SLC9A9: variants seen among roughly 807,000 people sequenced by gnomAD.
The protein encoded by SLC9A9 is sodium/hydrogen exchanger 9.
In SLC9A9, 62 loss-of-function variants were observed where a neutral mutation model predicts 77.8. The ratio of observed to expected loss-of-function variants is 0.80; its 90% CI spans 0.65 to 0.98. The LOEUF (loss-of-function observed/expected upper bound fraction) is 0.98, where lower values mean the gene tolerates loss of function less well. Among genes scored for constraint, SLC9A9 ranks in the 50% least tolerant of loss-of-function variants. SLC9A9 has a pLI of 0.00. For missense variants in SLC9A9, 775 were observed against 774.9 expected, an observed-to-expected ratio of 1.00 and a Z score of 0.00; for synonymous variants, 320 against 283.5, an observed-to-expected ratio of 1.13 and a Z score of -1.29.
chr3:143,511,338 TCTC>T (rs2036112731), intron 9 of SLC9A9, among the ~76,000 whole-genome samples: 1 of 152,178 alleles, frequency 6.6e-6, no homozygotes, highest in South Asian at 2.1e-4. Flanking sequence ...TTCCAGGTGT[TCTC>T]CTAGTTAATT....
At chr3:143,662,927 G>A (rs1420992435) in intron 5 of SLC9A9, among the ~76,000 whole-genome samples, 1 of 151,762 alleles carries the variant, frequency 6.6e-6, no homozygotes, top group Non-Finnish European at 1.5e-5. Context: ...AAACGTCCCT[G>A]CCTGACAGTG....
At chr3:143,669,538 A>G (rs2039125955) in intron 5 of SLC9A9, among the ~76,000 whole-genome samples, 1 of 152,188 alleles carries the variant, frequency 6.6e-6, no homozygotes, top group East Asian at 1.9e-4. Flanking sequence ...AAGCATTTAT[A>G]TAGTTGGTTG....
chr3:143,736,270 TTCTA>T (rs1474238843), intron 4 of SLC9A9, among the ~76,000 whole-genome samples: 4 of 152,184 alleles, frequency 2.6e-5, no homozygotes, highest in Non-Finnish European at 2.9e-5. Context: ...ACCTACTTCC[TTCTA>T]TCTATTTGTT....
chr3:143,720,112 C>T (rs997425609), intron 4 of SLC9A9, among the ~76,000 whole-genome samples: 1 of 151,114 alleles, frequency 6.6e-6, no homozygotes, highest in Non-Finnish European at 1.5e-5. Flanking sequence ...TCTGATACCA[C>T]ATATATAATA....
At chr3:143,358,552 G>T (rs567618758) in intron 14 of SLC9A9, among the ~76,000 whole-genome samples, 1 of 152,134 alleles carries the variant, frequency 6.6e-6, no homozygotes, top group East Asian at 1.9e-4. Context: ...TTATACACAC[G>T]TTTAAGGGGA....
intron 5 of SLC9A9, among the ~76,000 whole-genome samples, chr3:143,684,903 C>T (rs1010407341): frequency 2.0e-5 from 3 of 151,966 alleles, no homozygotes; most frequent in African/African-American, 4.8e-5. Context: ...AAAAATAAAT[C>T]GCCTATATTT....
chr3:143,693,345 T>C, intron 4 of SLC9A9, 38 bp from the exon 5 acceptor site: 1 of 1,483,240 alleles, frequency 6.7e-7, no homozygotes, highest in East Asian at 2.3e-5. Flanking sequence ...AACATCAAGA[T>C]GAACCCTGTG....
chr3:143,507,905 C>A (rs963416234), intron 9 of SLC9A9, among the ~76,000 whole-genome samples: 1 of 152,112 alleles, frequency 6.6e-6, no homozygotes, highest in Admixed American at 6.5e-5. Flanking sequence ...AATGAGCAAG[C>A]AAGCTCTCAC....
intron 1 of SLC9A9, among the ~76,000 whole-genome samples, chr3:143,835,128 T>TCC (rs2009536457): frequency 6.6e-6 from 1 of 152,166 alleles, no homozygotes; most frequent in East Asian, 1.9e-4. Context: ...TTTCCTTCCT[T>TCC]CTCTCTCTTC....
chr3:143,543,944 T>C (rs1457941635), intron 9 of SLC9A9, among the ~76,000 whole-genome samples: 1 of 152,224 alleles, frequency 6.6e-6, no homozygotes, highest in African/African-American at 2.4e-5. Flanking sequence ...TTAAGTTCTT[T>C]GAAAAATCTC....
At chr3:143,488,549 A>G (rs1482239216) in intron 11 of SLC9A9, among the ~76,000 whole-genome samples, 1 of 152,046 alleles carries the variant, frequency 6.6e-6, no homozygotes, top group Non-Finnish European at 1.5e-5. Context: ...ACTATACACC[A>G]TGACCAAGTG....
intron 14 of SLC9A9, among the ~76,000 whole-genome samples, chr3:143,279,820 CTTTGTTTTTA>C (rs1938162904): frequency 6.6e-6 from 1 of 152,042 alleles, no homozygotes; most frequent in Non-Finnish European, 1.5e-5. Flanking sequence ...TTAGAGCAGC[CTTTGTTTTTA>C]TTTAAGAAAA....
chr3:143,450,693 C>A (rs1379687444), intron 12 of SLC9A9, among the ~76,000 whole-genome samples: 3 of 152,118 alleles, frequency 2.0e-5, no homozygotes, highest in African/African-American at 7.2e-5. Context: ...AAGTGCTATA[C>A]AAAATTGAAT....
intron 5 of SLC9A9, among the ~76,000 whole-genome samples, chr3:143,682,598 A>G (rs7647292): frequency 0.4 from 61,135 of 151,900 alleles, 12,808 homozygotes; most frequent in South Asian, 0.61. Context: ...AAATAATGCA[A>G]ATTTATTATC....
chr3:143,387,231 A>G (rs1236139797), intron 12 of SLC9A9, among the ~76,000 whole-genome samples: 1 of 152,174 alleles, frequency 6.6e-6, no homozygotes, highest in Non-Finnish European at 1.5e-5. Context: ...AGCAAGGAGA[A>G]ACAAGGAAGA....
intron 12 of SLC9A9, among the ~76,000 whole-genome samples, chr3:143,403,403 A>T (rs2033905586): frequency 6.6e-6 from 1 of 152,076 alleles, no homozygotes; most frequent in African/African-American, 2.4e-5. Context: ...TACAATATGT[A>T]ATTATGCTGT....
intron 4 of SLC9A9, among the ~76,000 whole-genome samples, chr3:143,712,555 G>A (rs1934226935): frequency 6.6e-6 from 1 of 150,520 alleles, no homozygotes; most frequent in African/African-American, 2.5e-5. Context: ...TTTGACCCTA[G>A]GCAAGTTAGC....
intron 14 of SLC9A9, among the ~76,000 whole-genome samples, chr3:143,272,926 A>AC (rs965915921): frequency 2.0e-5 from 3 of 152,202 alleles, no homozygotes; most frequent in African/African-American, 7.2e-5. Context: ...CTGGAACTCT[A>AC]CCCAGAATTT....
intron 4 of SLC9A9, among the ~76,000 whole-genome samples, chr3:143,785,444 G>C (rs1271629140): frequency 1.3e-5 from 2 of 152,140 alleles, no homozygotes; most frequent in Admixed American, 6.5e-5. Context: ...AGGTGAGTGG[G>C]CCCATCTTAG....
Sources: allele counts gnomAD v4.1 joint callset (sites outside exome capture counted in the v4.1 genomes callset), GRCh38; gene constraint gnomAD v4.1.1; transcripts MANE v1.5; gene names NCBI Gene and HGNC (gene_info 2026-07-23, HGNC 2026-07-21).